Variants in MFAP3 observed in about 807,000 individuals in gnomAD.
MFAP3 encodes the protein microfibril associated protein 3.
Under a neutral mutation model 20.5 loss-of-function variants are expected in MFAP3, and 8 were observed. That is an observed-to-expected ratio of 0.39 (90% confidence interval 0.23 to 0.70). MFAP3 has a LOEUF of 0.70. MFAP3 is among the 30% of genes least tolerant of loss of function. The pLI is 0.44. For synonymous variants in MFAP3, 140 were observed against 154.0 expected, an observed-to-expected ratio of 0.91 and a Z score of 0.67; for missense variants, 398 against 444.6, an observed-to-expected ratio of 0.90 and a Z score of 0.94.
chr5:154,048,899 C>A (rs1773119815), intron 1 of MFAP3, among the ~76,000 whole-genome samples: 2 of 152,174 alleles, frequency 1.3e-5, no homozygotes, highest in South Asian at 4.1e-4. Flanking sequence ...AAAGAAAATT[C>A]TGTTGTCTAA....
intron 1 of MFAP3, among the ~76,000 whole-genome samples, chr5:154,042,183 A>C (rs535700730): frequency 6.6e-6 from 1 of 152,360 alleles, no homozygotes; most frequent in South Asian, 2.1e-4. Context: ...CTGAGTTTCA[A>C]ATAGAGATGT....
chr5:154,039,266 C>A (rs1337110999), intron 1 of MFAP3: 1 of 152,142 alleles, frequency 6.6e-6, no homozygotes, highest in Non-Finnish European at 1.5e-5. Context: ...GTGCGAAAAG[C>A]AGATTATAAA....
rs1044372134 is a variant in MFAP3, at chr5:154,047,800, G to A, written c.-166-1757G>A. On this transcript the variant is annotated intron_variant, in intron 1 of 2. Transcript: ENST00000522782. The stretch of plus-strand genomic sequence containing the variant: ...CAGGAGAAGGAATGAATGAAGTTTG[G>A]GAAGTGCTGCCCTGGATGAAGCTAT... 2.0e-5 allele frequency among the ~76,000 whole-genome samples: 3 copies of A among 152,116 alleles called. 1 individual carries two copies. The highest frequency in any genetic ancestry group is 7.2e-5 in the African/African-American group (3 of 41,420).
chr5:154,044,024 A>G (rs1281136964), intron 1 of MFAP3, among the ~76,000 whole-genome samples: 2 of 152,214 alleles, frequency 1.3e-5, no homozygotes, highest in African/African-American at 4.8e-5. Flanking sequence ...TGTTGCATTC[A>G]CAATATAATT....
chr5:154,043,030 C>T (rs537068540), intron 1 of MFAP3, among the ~76,000 whole-genome samples: 17 of 152,214 alleles, frequency 1.1e-4, no homozygotes, highest in African/African-American at 3.1e-4. Flanking sequence ...TTGGCAGGAA[C>T]GGCAACAAGA....
intron 1 of MFAP3, among the ~76,000 whole-genome samples, chr5:154,041,721 G>A (rs1251382328): frequency 6.6e-6 from 1 of 152,142 alleles, no homozygotes; most frequent in African/African-American, 2.4e-5. Context: ...CACAGTGTTT[G>A]GATACATCAT....
chr5:154,049,960 T>G lies in MFAP3; in HGVS notation c.238T>G (p.Tyr80Asp). Residue 80 changes from tyrosine to aspartate, a missense_variant, in exon 2 of 3, where the codon TAT becomes GAT. Transcript: ENST00000522782. ...TGAGTGTCTTCTCACAGCCAGTCAC[T>G]ATGAAGATGTCCATTGGCACAATTC... ...SIECLLTASH[Y>D]EDVHWHNSKG... 2 of 1,613,350 alleles carry G rather than the reference T, an allele frequency of 1.2e-6. No individual in the cohort carries two copies. Among genetic ancestry groups the G allele is most frequent in the Non-Finnish European group, 1.7e-6 (2 of 1,179,412 alleles).
At position 154,053,621 on chromosome 5, in the gene MFAP3, G is replaced by A; in HGVS notation, c.997G>A (p.Gly333Ser). The change falls in exon 3 of 3, where the codon GGC becomes AGC. Residue 333 changes from glycine to serine, a missense_variant. Physicochemically the swap from Gly to Ser is moderately conservative, Grantham distance 56. Transcript: ENST00000522782. Reference sequence around the variant, plus strand: ...CAAAAGTATTGATACAGAGTCTCAAGGCAGCAGTCATTTCAGTCCACCTGA... The same window carrying A: ...CAAAAGTATTGATACAGAGTCTCAAAGCAGCAGTCATTTCAGTCCACCTGA... ...ETKSIDTESQ[G>S]SSHFSPPDDI... The A allele has an allele frequency of 1.2e-6, 2 of 1,613,936 alleles. No individual in the cohort carries two copies. Among genetic ancestry groups the A allele is most frequent in the Non-Finnish European group, 8.5e-7 (1 of 1,179,914 alleles).
chr5:154,047,261 G>A (rs544683675), intron 1 of MFAP3, among the ~76,000 whole-genome samples: 21 of 152,218 alleles, frequency 1.4e-4, no homozygotes, highest in African/African-American at 5.1e-4. Flanking sequence ...TTTCCCTTGG[G>A]TAACATTGAG....
At chr5:154,043,531 A>G (rs981966729) in intron 1 of MFAP3, among the ~76,000 whole-genome samples, 9 of 151,510 alleles carry the variant, frequency 5.9e-5, no homozygotes, top group Non-Finnish European at 1.2e-4. Context: ...AGCCTGGGCA[A>G]CAAGAGCGAA....
rs1773309107 is a variant in MFAP3 at position 154,055,506 on chromosome 5, C to T, written c.*1793C>T. The stretch of plus-strand genomic sequence containing the variant: ...ATCATTTAGCCAAAGCTTGCCTTGG[C>T]TCATAGACTGGTATTTCTTTAAGGA... On this transcript the variant is annotated 3_prime_UTR_variant, in exon 3 of 3. Transcript: ENST00000522782. 6.6e-6 allele frequency among the ~76,000 whole-genome samples: 1 copy of T among 152,144 alleles called. No individual in the cohort carries two copies. Among genetic ancestry groups the T allele is most frequent in the South Asian group, 2.1e-4 (1 of 4,832 alleles).
At chr5:154,043,479 G>C (rs183997163) in intron 1 of MFAP3, among the ~76,000 whole-genome samples, 2,273 of 150,560 alleles carry the variant, frequency 0.015, 25 homozygotes, top group Non-Finnish European at 0.024. Context: ...TGAACCTGGG[G>C]GGTGGAGGTT....
At chr5:154,045,346 T>G (rs1270859782) in intron 1 of MFAP3, among the ~76,000 whole-genome samples, 5 of 152,212 alleles carry the variant, frequency 3.3e-5, no homozygotes, top group Non-Finnish European at 5.9e-5. Flanking sequence ...ATATCATGGT[T>G]GGGATCCAAG....
chr5:154,045,854 A>G (rs953721920), intron 1 of MFAP3, among the ~76,000 whole-genome samples: 2 of 152,200 alleles, frequency 1.3e-5, no homozygotes, highest in African/African-American at 4.8e-5. Context: ...CTAAATCTAG[A>G]ATGGAATGTG....
chr5:154,052,141 C>T (rs1364672836), intron 2 of MFAP3, among the ~76,000 whole-genome samples: 2 of 152,100 alleles, frequency 1.3e-5, no homozygotes, highest in African/African-American at 4.8e-5. Flanking sequence ...AAAATACCTT[C>T]ACGTGTGGAA....
chr5:154,045,959 C>T (rs1188755214), intron 1 of MFAP3, among the ~76,000 whole-genome samples: 2 of 152,174 alleles, frequency 1.3e-5, no homozygotes, highest in African/African-American at 2.4e-5. Context: ...ATTAGTGGCC[C>T]TTAGATGCAG....
At chr5:154,040,979 T>A (rs1772933519) in intron 1 of MFAP3, among the ~76,000 whole-genome samples, 1 of 152,212 alleles carries the variant, frequency 6.6e-6, no homozygotes, top group South Asian at 2.1e-4. Flanking sequence ...TTTGAGCACT[T>A]GCCACAGGCA....
At chr5:154,040,268 T>C (rs966383196) in intron 1 of MFAP3, among the ~76,000 whole-genome samples, 1 of 152,260 alleles carries the variant, frequency 6.6e-6, no homozygotes, top group Non-Finnish European at 1.5e-5. Context: ...AGGTTATTCA[T>C]TTTAAAATAA....
In MFAP3 at chr5:154,053,542, T is replaced by G. The variant is rs143905440; in HGVS notation, c.918T>G (p.Asn306Lys). 13 of 1,613,798 alleles carry G rather than the reference T, an allele frequency of 8.1e-6. No homozygotes were observed. Among genetic ancestry groups the G allele is most frequent in the Non-Finnish European group, 1.1e-5 (13 of 1,179,956 alleles). Residue 306 changes from asparagine to lysine, a missense_variant, in exon 3 of 3, where the codon AAT (asparagine) becomes AAG (lysine). Transcript: ENST00000522782. ...PGGDSDDGSL[N>K]EQGQEIAVQV... The stretch of plus-strand genomic sequence containing the variant: ...GAGATTCAGATGATGGCTCTCTGAA[T>G]GAACAAGGCCAGGAAATAGCAGTTC...
Sources: allele counts gnomAD v4.1 joint callset (sites outside exome capture counted in the v4.1 genomes callset), GRCh38; gene constraint gnomAD v4.1.1; transcripts MANE v1.5; gene names NCBI Gene and HGNC (gene_info 2026-07-23, HGNC 2026-07-21).